EML5: variants seen among roughly 807,000 people sequenced by gnomAD.
EML5 encodes the protein echinoderm microtubule-associated protein-like 5.
A neutral mutation model predicts 250.0 loss-of-function variants in EML5; 120 were observed. The observed-to-expected ratio is 0.48, with a 90% CI of 0.41 to 0.56. The LOEUF is 0.56. Among genes scored for constraint, EML5 ranks in the 20% least tolerant of loss-of-function variants. The probability of loss-of-function intolerance (pLI) is 0.00; values close to 1 mark genes in which losing one functional copy is unlikely to be tolerated. For synonymous variants in EML5, 771 were observed against 806.5 expected (o/e 0.96, Z 0.75); for missense variants, 2,006 against 2,437.6 (o/e 0.82, Z 3.73).
chr14:88,631,786 C>A (rs1418696605), intron 33 of EML5, among the ~76,000 whole-genome samples: 2 of 152,064 alleles, frequency 1.3e-5, no homozygotes, highest in Admixed American at 1.3e-4. Flanking sequence ...AAGAAAAAAA[C>A]AAAACAGAAA....
At chr14:88,653,545 T>C (rs1465681016) in intron 27 of EML5, among the ~76,000 whole-genome samples, 1 of 152,184 alleles carries the variant, frequency 6.6e-6, no homozygotes, top group Non-Finnish European at 1.5e-5. Flanking sequence ...CTGCATCTAT[T>C]GAGATAATCA....
chr14:88,748,427 G>A (rs1368830376), intron 2 of EML5, among the ~76,000 whole-genome samples: 2 of 152,240 alleles, frequency 1.3e-5, no homozygotes, highest in Non-Finnish European at 2.9e-5. Flanking sequence ...CCTTAATAGT[G>A]AAATTATACC....
At chr14:88,632,745 C>T (rs998395879) in intron 33 of EML5, among the ~76,000 whole-genome samples, 3 of 152,180 alleles carry the variant, frequency 2.0e-5, no homozygotes, top group African/African-American at 7.2e-5. Flanking sequence ...CCACCTGGGG[C>T]GCTGAACACT....
chr14:88,685,206 T>C (rs1227381080), intron 19 of EML5, 64 bp from the exon 20 acceptor site: 3 of 1,357,390 alleles, frequency 2.2e-6, no homozygotes, highest in African/African-American at 1.5e-5. Context: ...AGTGTATATA[T>C]TGCCAATTAA....
At chr14:88,693,559 G>C (rs1323866376) in intron 17 of EML5, among the ~76,000 whole-genome samples, 2 of 151,942 alleles carry the variant, frequency 1.3e-5, no homozygotes, top group Non-Finnish European at 2.9e-5. Context: ...ATTTGGGTGG[G>C]GACACAGTCA....
At chr14:88,752,336 A>G (rs1555372207) in intron 2 of EML5, among the ~76,000 whole-genome samples, 1 of 152,184 alleles carries the variant, frequency 6.6e-6, no homozygotes, top group Non-Finnish European at 1.5e-5. Context: ...CACCTTAAAT[A>G]AGTGGTTTTT....
intron 32 of EML5, among the ~76,000 whole-genome samples, chr14:88,637,886 T>C (rs978404532): frequency 6.6e-6 from 1 of 152,144 alleles, no homozygotes. Flanking sequence ...TGGGTAATGT[T>C]CCATTTACTT....
chr14:88,727,931 G>A (rs757114299), intron 7 of EML5, among the ~76,000 whole-genome samples: 53 of 152,092 alleles, frequency 3.5e-4, no homozygotes, highest in Non-Finnish European at 6.6e-4. Context: ...TGAAAATTAA[G>A]AATTATACTT....
intron 29 of EML5, 118 bp from the exon 30 acceptor site, chr14:88,644,629 C>T (rs555278655): frequency 2.5e-6 from 2 of 799,896 alleles, no homozygotes; most frequent in Admixed American, 2.3e-5. Context: ...ATGACCCATT[C>T]TGTGGTCCAC....
At chr14:88,761,852 T>C (rs1401993629) in intron 1 of EML5, among the ~76,000 whole-genome samples, 1 of 152,158 alleles carries the variant, frequency 6.6e-6, no homozygotes, top group Middle Eastern at 3.2e-3. Flanking sequence ...CTCTCCAGCA[T>C]CTGTTGTTTC....
At chr14:88,642,222 G>A (rs1234594575) in intron 31 of EML5, among the ~76,000 whole-genome samples, 1 of 152,120 alleles carries the variant, frequency 6.6e-6, no homozygotes, top group Non-Finnish European at 1.5e-5. Flanking sequence ...CTTTTATGAA[G>A]TTTGCCATTA....
At chr14:88,640,418 C>T (rs188640416) in intron 31 of EML5, among the ~76,000 whole-genome samples, 16 of 152,000 alleles carry the variant, frequency 1.1e-4, no homozygotes, top group African/African-American at 3.1e-4. Flanking sequence ...CACACAATTA[C>T]GTAAAAATTA....
chr14:88,704,753 C>A (rs569276943), intron 13 of EML5, 107 bp downstream of exon 13: 5 of 753,970 alleles, frequency 6.6e-6, no homozygotes, highest in Non-Finnish European at 1.1e-5. Flanking sequence ...TGTATCCTTT[C>A]GGATATGTCA....
At chr14:88,643,308 G>A (rs2091170712) in intron 30 of EML5, among the ~76,000 whole-genome samples, 1 of 152,116 alleles carries the variant, frequency 6.6e-6, no homozygotes, top group Admixed American at 6.6e-5. Context: ...GATTTCACAT[G>A]TAAACACTGA....
intron 1 of EML5, among the ~76,000 whole-genome samples, chr14:88,772,404 C>T (rs991569145): frequency 6.6e-6 from 1 of 152,206 alleles, no homozygotes; most frequent in African/African-American, 2.4e-5. Context: ...AACCCAATAG[C>T]TTCCTACCGA....
chr14:88,781,618 AC>A (rs1403878367), intron 1 of EML5, among the ~76,000 whole-genome samples: 1 of 152,096 alleles, frequency 6.6e-6, no homozygotes, highest in Non-Finnish European at 1.5e-5. Context: ...CATGGGAGGG[AC>A]CTGGACAAGG....
chr14:88,723,706 C>T (rs1214129478), intron 8 of EML5, among the ~76,000 whole-genome samples: 3 of 152,004 alleles, frequency 2.0e-5, no homozygotes, highest in African/African-American at 4.8e-5. Context: ...TGTTGTACGT[C>T]GTAAATATAT....
At chr14:88,669,340 G>A (rs992666690) in intron 21 of EML5, among the ~76,000 whole-genome samples, 3 of 152,194 alleles carry the variant, frequency 2.0e-5, no homozygotes, top group Non-Finnish European at 4.4e-5. Flanking sequence ...TCAGATGACT[G>A]AGCTCCCTGG....
At chr14:88,757,265 T>G (rs1261285374) in intron 1 of EML5, among the ~76,000 whole-genome samples, 1 of 152,168 alleles carries the variant, frequency 6.6e-6, no homozygotes, top group Non-Finnish European at 1.5e-5. Context: ...GACACCTGAA[T>G]ATATATCCAC....
Sources: allele counts gnomAD v4.1 joint callset (sites outside exome capture counted in the v4.1 genomes callset), GRCh38; gene constraint gnomAD v4.1.1; transcripts MANE v1.5; gene names NCBI Gene and HGNC (gene_info 2026-07-23, HGNC 2026-07-21).